The following PTPN9 variants were observed in gnomAD, a reference collection of about 807,000 sequenced individuals.
The protein encoded by PTPN9 is tyrosine-protein phosphatase non-receptor type 9.
Under a neutral mutation model 69.8 loss-of-function variants are expected in PTPN9, and 26 were observed. That is an observed-to-expected ratio of 0.37 (90% CI 0.27 to 0.52). The LOEUF (loss-of-function observed/expected upper bound fraction) is 0.52, where lower values mean the gene tolerates loss of function less well. Among genes scored for constraint, PTPN9 ranks in the 20% least tolerant of loss-of-function variants. PTPN9 has a pLI of 0.91. For synonymous variants in PTPN9, 274 were observed against 272.5 expected (o/e 1.01, Z -0.05); for missense variants, 549 against 740.3 (o/e 0.74, Z 3.00).
rs2074556387 is a variant in PTPN9 at position 75,470,140 on chromosome 15, GCTT to G, written c.1360-144_1360-142del. Reference sequence around the variant, plus strand: ...ACCACTGTCAACTTTTCCCATAATTGCTTCTTTACTACAAACCCAAAGGAAGGG... The same window carrying G: ...ACCACTGTCAACTTTTCCCATAATTGCTTTACTACAAACCCAAAGGAAGGG... On this transcript the variant is annotated intron_variant, in intron 11 of 12. Coordinates refer to ENST00000618819, the MANE Select transcript of PTPN9 (RefSeq NM_002833.4). The G allele has an allele frequency of 9.0e-6, 7 of 778,764 alleles. No homozygotes were observed. In the South Asian group the frequency reaches 1.2e-4, roughly 14 times the overall value. The allele number at this position is 778,764 out of a possible 1,614,324, so 48.2% of individuals were successfully genotyped here.
rs1392664370 is a variant in PTPN9, at chr15:75,480,602, G to C, written c.1063-688C>G. On this transcript the variant is annotated intron_variant, in intron 8 of 12. Coordinates refer to ENST00000618819, the MANE Select transcript of PTPN9 (RefSeq NM_002833.4). ...GGTTGGCGCGGCTGCGCTGCGGCCTGGGGCAGTGCGGAGCCGGGACAGTCG... is the reference window on the plus strand; with the variant it reads ...GGTTGGCGCGGCTGCGCTGCGGCCTCGGGCAGTGCGGAGCCGGGACAGTCG... The C allele has an allele frequency of 2.1e-5, 23 of 1,107,514 alleles. No individual in the cohort carries two copies. The South Asian group carries it at 5.1e-4, about 25-fold the overall frequency. The allele number at this position is 1,107,514 out of a possible 1,614,324, so 68.6% of individuals were successfully genotyped here.
At chr15:75,473,362 G>A (rs1309746966) in intron 10 of PTPN9, among the ~76,000 whole-genome samples, 1 of 152,042 alleles carries the variant, frequency 6.6e-6, no homozygotes, top group Non-Finnish European at 1.5e-5. Context: ...TGATTCTCCT[G>A]CCTCAGCCTC....
rs1242905086 is a variant in PTPN9, at chr15:75,465,267, G to GT, written c.*3501dup. 1 of 151,946 alleles carries GT rather than the reference G, an allele frequency of 6.6e-6. No homozygotes were observed. The highest frequency in any genetic ancestry group is 1.5e-5 in the Non-Finnish European group (1 of 68,004). 9.4% of individuals were successfully genotyped at this position (151,946 alleles called of 1,614,324 possible). On this transcript the variant is annotated 3_prime_UTR_variant, in exon 13 of 13. Transcript: ENST00000618819. Reference sequence around the variant, plus strand: ...TACAAGCACATACCACCACACCCGGGTAATTTTTATATTTTTAGTAGAGAT... The same window carrying GT: ...TACAAGCACATACCACCACACCCGGGTTAATTTTTATATTTTTAGTAGAGAT...
At chr15:75,571,931 C>T (rs1397934578) in intron 1 of PTPN9, among the ~76,000 whole-genome samples, 2 of 151,970 alleles carry the variant, frequency 1.3e-5, no homozygotes, top group South Asian at 2.1e-4. Context: ...TAAGTACTTT[C>T]GAAAACTACT....
chr15:75,511,490 C>T (rs1199445542), intron 5 of PTPN9, among the ~76,000 whole-genome samples: 1 of 152,186 alleles, frequency 6.6e-6, no homozygotes, highest in Non-Finnish European at 1.5e-5. Flanking sequence ...AAGCAATCTG[C>T]CTGCCTTGGC....
At chr15:75,525,731 A>G (rs1057480303) in intron 2 of PTPN9, among the ~76,000 whole-genome samples, 2 of 151,068 alleles carry the variant, frequency 1.3e-5, no homozygotes, top group Admixed American at 1.3e-4. Flanking sequence ...CAGCCTGGGC[A>G]ACATAGCAAA....
intron 7 of PTPN9, among the ~76,000 whole-genome samples, chr15:75,490,892 TG>T (rs1230860245): frequency 6.6e-6 from 1 of 152,020 alleles, no homozygotes; most frequent in Non-Finnish European, 1.5e-5. Flanking sequence ...CCCAAAGTGT[TG>T]GGATTACAGG....
At chr15:75,572,076 A>G (rs1045780051) in intron 1 of PTPN9, among the ~76,000 whole-genome samples, 8 of 152,124 alleles carry the variant, frequency 5.3e-5, no homozygotes, top group African/African-American at 1.9e-4. Context: ...TCACACCTGT[A>G]ATCCCAGCAC....
chr15:75,538,147 T>C (rs1467448141), intron 1 of PTPN9, among the ~76,000 whole-genome samples: 1 of 152,168 alleles, frequency 6.6e-6, no homozygotes, highest in African/African-American at 2.4e-5. Flanking sequence ...CCGAGGAATG[T>C]AAAGACTTGG....
At chr15:75,513,987 T>C (rs2074855734) in intron 5 of PTPN9, among the ~76,000 whole-genome samples, 1 of 150,520 alleles carries the variant, frequency 6.6e-6, no homozygotes, top group African/African-American at 2.5e-5. Flanking sequence ...TAATCCCAAC[T>C]ACTTGGGAAA....
rs765889972 is a variant in PTPN9, at chr15:75,562,405, TG to T, written c.63+16308del. Among the ~76,000 whole-genome samples, 21 of 152,174 alleles carry T rather than the reference TG, an allele frequency of 1.4e-4. 1 individual carries two copies. Among genetic ancestry groups the T allele is most frequent in the Admixed American group, 1.0e-3 (16 of 15,262 alleles). Reference sequence around the variant, plus strand: ...ACAAATGTCCAGGGAGAGCTATCTCTGGGGTGTGTGTGTCATACACGAACAT... The same window carrying T: ...ACAAATGTCCAGGGAGAGCTATCTCTGGGTGTGTGTGTCATACACGAACAT... On this transcript the variant is annotated intron_variant, in intron 1 of 12. Transcript: ENST00000618819.
intron 1 of PTPN9, among the ~76,000 whole-genome samples, chr15:75,538,136 T>C (rs1279765844): frequency 6.6e-6 from 1 of 152,084 alleles, no homozygotes; most frequent in Non-Finnish European, 1.5e-5. Context: ...TACAGGCTTC[T>C]CCGAGGAATG....
At chr15:75,488,574 T>C (rs189854946) in intron 8 of PTPN9, among the ~76,000 whole-genome samples, 256 of 151,822 alleles carry the variant, frequency 1.7e-3, no homozygotes, top group African/African-American at 5.8e-3. Flanking sequence ...GGTGAGAGGA[T>C]TGCTTGAGCC....
intron 1 of PTPN9, among the ~76,000 whole-genome samples, chr15:75,565,239 C>T (rs1595972072): frequency 1.3e-5 from 2 of 152,012 alleles, no homozygotes; most frequent in African/African-American, 4.8e-5. Flanking sequence ...GATGGTTATG[C>T]TATAAAACAA....
chr15:75,478,851 T>C (rs2074611788), intron 9 of PTPN9, among the ~76,000 whole-genome samples: 1 of 152,252 alleles, frequency 6.6e-6, no homozygotes, highest in Non-Finnish European at 1.5e-5. Flanking sequence ...CGTATCTTGC[T>C]CTGCAGTGGT....
In PTPN9 at chr15:75,467,673, G is replaced by A. The variant is rs2074542508; in HGVS notation, c.*1096C>T. 1 of 152,568 alleles carries A rather than the reference G, an allele frequency of 6.6e-6. No individual in the cohort carries two copies. Among genetic ancestry groups the A allele is most frequent in the African/African-American group, 2.4e-5 (1 of 41,406 alleles). 9.5% of individuals were successfully genotyped at this position (152,568 alleles called of 1,614,324 possible). ...CTCCCAGGGAGGTATTTTCTTAGTGGTTTTTTCTTTCTCATACCTGGGCTC... is the reference window on the plus strand; with the variant it reads ...CTCCCAGGGAGGTATTTTCTTAGTGATTTTTTCTTTCTCATACCTGGGCTC... On this transcript the variant is annotated 3_prime_UTR_variant, in exon 13 of 13. Transcript: ENST00000618819.
Position 75,578,736 on chromosome 15 carries a change from TC to T in PTPN9, c.40del (p.Glu14SerfsTer2). The part of the protein sequence containing the change: ...ATAPRPDMAP[E>X]LTPEEEQATK... Reference sequence around the variant, plus strand: ...TACCTGCTCCTCCTCCGGGGTCAGCTCCGGCGCCATGTCGGGCCGGGGCGCG... The same window carrying T: ...TACCTGCTCCTCCTCCGGGGTCAGCTCGGCGCCATGTCGGGCCGGGGCGCG... On this transcript the variant is annotated frameshift_variant, in exon 1 of 13. Coordinates refer to ENST00000618819, the MANE Select transcript of PTPN9 (RefSeq NM_002833.4). LOFTEE classifies it high-confidence loss of function. 1 of 1,331,224 alleles carries T rather than the reference TC, an allele frequency of 7.5e-7. No individual in the cohort carries two copies. The highest frequency in any genetic ancestry group is 9.6e-7 in the Non-Finnish European group (1 of 1,039,290). 82.5% of individuals were successfully genotyped at this position (1,331,224 alleles called of 1,614,324 possible). A position where few individuals can be genotyped will look rare whatever the true frequency, so the allele number is the denominator to read the frequency against.
chr15:75,535,884 G>A (rs962229831), intron 1 of PTPN9, among the ~76,000 whole-genome samples: 1 of 152,076 alleles, frequency 6.6e-6, no homozygotes, highest in Non-Finnish European at 1.5e-5. Flanking sequence ...CTAAAACTAC[G>A]ATTTTTCCAT....
intron 4 of PTPN9, among the ~76,000 whole-genome samples, chr15:75,520,498 A>G (rs917322287): frequency 2.0e-5 from 3 of 150,610 alleles, no homozygotes; most frequent in African/African-American, 7.3e-5. Flanking sequence ...GTGTGTTTAT[A>G]TATGTGTGTA....
Sources: allele counts gnomAD v4.1 joint callset (sites outside exome capture counted in the v4.1 genomes callset), GRCh38; gene constraint gnomAD v4.1.1; transcripts MANE v1.5; gene names NCBI Gene and HGNC (gene_info 2026-07-23, HGNC 2026-07-21).